AP3B1: variants seen among roughly 807,000 people sequenced by gnomAD.
AP3B1 encodes the protein adaptor related protein complex 3 subunit beta 1, also known as AP-3 complex subunit beta-1.
AP3B1 carries 61 observed loss-of-function variants against 132.5 expected under a neutral mutation model. The ratio of observed to expected loss-of-function variants is 0.46; its 90% confidence interval spans 0.37 to 0.57. The LOEUF (loss-of-function observed/expected upper bound fraction) is 0.57. AP3B1 is among the 20% of genes least tolerant of loss of function. The pLI is 0.00. For synonymous variants in AP3B1, 388 were observed against 438.3 expected (o/e 0.89, Z 1.43); for missense variants, 1,120 against 1,289.4 (o/e 0.87, Z 2.01).
intron 21 of AP3B1, among the ~76,000 whole-genome samples, chr5:78,096,925 G>T (rs1204337589): frequency 6.7e-6 from 1 of 148,932 alleles, no homozygotes; most frequent in East Asian, 2.1e-4. Context: ...CCCTGTCCGG[G>T]AGGTGAGGGG....
At chr5:78,189,971 TAAA>T (rs1207361797) in intron 7 of AP3B1, among the ~76,000 whole-genome samples, 1 of 150,618 alleles carries the variant, frequency 6.6e-6, no homozygotes, top group East Asian at 1.9e-4. Flanking sequence ...ATATTAATAA[TAAA>T]AAGATTTCAA....
intron 15 of AP3B1, among the ~76,000 whole-genome samples, chr5:78,133,120 A>T (rs542540217): frequency 1.3e-5 from 2 of 152,184 alleles, no homozygotes; most frequent in Non-Finnish European, 2.9e-5. Flanking sequence ...AGCTTCATGC[A>T]TCTCATAGGC....
chr5:78,277,254 C>T (rs1048609531), intron 1 of AP3B1, among the ~76,000 whole-genome samples: 1 of 152,104 alleles, frequency 6.6e-6, no homozygotes, highest in Non-Finnish European at 1.5e-5. Context: ...TATCACTGGG[C>T]CTAGCACATT....
At chr5:78,169,765 A>ATAT (rs994255936) in intron 11 of AP3B1, among the ~76,000 whole-genome samples, 1 of 151,350 alleles carries the variant, frequency 6.6e-6, no homozygotes, top group Admixed American at 6.6e-5. Context: ...TTATTTATTT[A>ATAT]TATTATTATA....
chr5:78,060,350 T>C (rs762329009), intron 22 of AP3B1, among the ~76,000 whole-genome samples: 3 of 152,254 alleles, frequency 2.0e-5, no homozygotes, highest in Non-Finnish European at 4.4e-5. Flanking sequence ...ACAAAACATA[T>C]AAGCAAATGC....
rs1238105971 is a variant in AP3B1, at chr5:78,034,291, T to C, written c.2894+70A>G. On this transcript the variant is annotated intron_variant, in intron 24 of 26. Coordinates refer to ENST00000255194, the MANE Select transcript of AP3B1 (RefSeq NM_003664.5). ...GTCTTTCACACACACACAAAAGCTG[T>C]TGAAAGCTTAGTTTTTGATCTGCTA... The C allele has an allele frequency of 3.3e-6, 4 of 1,208,882 alleles. No homozygotes were observed. In the East Asian group the frequency reaches 9.3e-5, roughly 28 times the overall value. 74.9% of individuals were successfully genotyped at this position (1,208,882 alleles called of 1,614,324 possible). A position where few individuals can be genotyped will look rare whatever the true frequency, so the allele number is the denominator to read the frequency against.
At chr5:78,294,404 T>A (rs751669549) in intron 1 of AP3B1, 48 bp downstream of exon 1, 4 of 1,612,602 alleles carry the variant, frequency 2.5e-6, no homozygotes, top group Non-Finnish European at 2.5e-6. Context: ...CTCCTCCGAG[T>A]CCGCAGCTCC....
chr5:78,193,742 TTTTATA>T (rs1332364868), intron 7 of AP3B1, among the ~76,000 whole-genome samples: 25 of 90,810 alleles, frequency 2.8e-4, no homozygotes, highest in Middle Eastern at 7.1e-3. Context: ...GTATATATTT[TTTTATA>T]TATATATATA....
chr5:78,152,027 C>A (rs1172305500), intron 14 of AP3B1, among the ~76,000 whole-genome samples: 23 of 73,032 alleles, frequency 3.1e-4, no homozygotes, highest in African/African-American at 1.2e-3. Flanking sequence ...CTCCCCTCCC[C>A]CTTCTCTTCC....
intron 23 of AP3B1, among the ~76,000 whole-genome samples, chr5:78,038,619 C>T (rs1257078747): frequency 1.3e-5 from 2 of 152,136 alleles, no homozygotes; most frequent in Non-Finnish European, 2.9e-5. Flanking sequence ...TGAAGGGAAA[C>T]AGGAAAGGAT....
At chr5:78,126,837 G>A (rs1454168500) in intron 17 of AP3B1, among the ~76,000 whole-genome samples, 1 of 152,098 alleles carries the variant, frequency 6.6e-6, no homozygotes, top group Non-Finnish European at 1.5e-5. Context: ...TTGGAATATG[G>A]TTCTATCACT....
chr5:78,267,554 G>C lies in AP3B1; in HGVS notation c.170C>G (p.Ser57Cys). The C allele has an allele frequency of 6.2e-7, 1 of 1,611,414 alleles. No homozygotes were observed. Among genetic ancestry groups the C allele is most frequent in the Middle Eastern group, 1.7e-4 (1 of 6,046 alleles). ...CCGCTTCATAGCATCCAGTTTAGCAGAATCTTTGTTGCTCTCTAACATTTG... is the reference window on the plus strand; with the variant it reads ...CCGCTTCATAGCATCCAGTTTAGCACAATCTTTGTTGCTCTCTAACATTTG... ...LKQMLESNKD[S>C]AKLDAMKRIV... is the part of the protein sequence containing the mutation. Residue 57 changes from serine to cysteine, a missense_variant, in exon 2 of 27, where the codon TCT (serine) becomes TGT (cysteine). By Grantham distance (112) the Ser-to-Cys change is moderately radical. Transcript: ENST00000255194.
chr5:78,162,595 A>T (rs1311598534), intron 13 of AP3B1, among the ~76,000 whole-genome samples: 1 of 152,130 alleles, frequency 6.6e-6, no homozygotes, highest in Non-Finnish European at 1.5e-5. Flanking sequence ...TTGCGGTAAA[A>T]CAAATACTAC....
intron 3 of AP3B1, among the ~76,000 whole-genome samples, chr5:78,232,064 A>C (rs1406159126): frequency 6.6e-6 from 1 of 152,240 alleles, no homozygotes; most frequent in South Asian, 2.1e-4. Context: ...TCTTTAAAGG[A>C]ATATTAATTA....
chr5:78,066,954 GAC>G (rs1267083925), intron 22 of AP3B1, among the ~76,000 whole-genome samples: 1 of 152,178 alleles, frequency 6.6e-6, no homozygotes, highest in Non-Finnish European at 1.5e-5. Flanking sequence ...CCATCAGACT[GAC>G]AGCAGACCTC....
intron 11 of AP3B1, among the ~76,000 whole-genome samples, chr5:78,172,101 G>A (rs1743943866): frequency 6.6e-6 from 1 of 152,158 alleles, no homozygotes. Flanking sequence ...TCTTGACTGT[G>A]GTGGATAAGC....
intron 22 of AP3B1, among the ~76,000 whole-genome samples, chr5:78,066,819 C>A (rs1426327833): frequency 6.6e-6 from 1 of 152,068 alleles, no homozygotes; most frequent in Non-Finnish European, 1.5e-5. Flanking sequence ...CCAGAGAACC[C>A]CAGTAAGATA....
intron 17 of AP3B1, among the ~76,000 whole-genome samples, chr5:78,117,312 A>ATT (rs55983344): frequency 1.1e-4 from 15 of 140,378 alleles, no homozygotes; most frequent in Non-Finnish European, 9.4e-5. Flanking sequence ...ATTTTGTGCA[A>ATT]TTTTTTTTTT....
In AP3B1 at chr5:78,002,461, A is replaced by T. The variant is rs960041888; in HGVS notation, c.*441T>A. On this transcript the variant is annotated 3_prime_UTR_variant, in exon 27 of 27. Coordinates refer to ENST00000255194, the MANE Select transcript of AP3B1 (RefSeq NM_003664.5). ...AGACTATGCTTTTGTATTTGGATTT[A>T]AAAAGTATGTGATCTCATTTTCACA... 2.4e-6 allele frequency: 1 copy of T among 417,886 alleles called. No homozygotes were observed. Among genetic ancestry groups the T allele is most frequent in the Admixed American group, 4.0e-5 (1 of 24,878 alleles). The allele number at this position is 417,886 out of a possible 1,614,324, so 25.9% of individuals were successfully genotyped here.
Sources: gnomAD v4.1 joint callset for allele counts (sites outside exome capture counted in the v4.1 genomes callset) on GRCh38, gnomAD v4.1.1 for gene constraint, MANE v1.5 for transcripts, NCBI Gene and HGNC (gene_info 2026-07-23, HGNC 2026-07-21) for gene names.